Variants in SHOC2 observed in about 807,000 individuals in gnomAD.
The protein encoded by SHOC2 is leucine-rich repeat protein SHOC-2.
SHOC2 carries 4 observed loss-of-function variants against 50.2 expected under a neutral mutation model. That is an observed-to-expected ratio of 0.08 (90% CI 0.04 to 0.18). The LOEUF (loss-of-function observed/expected upper bound fraction) is 0.18, where lower values mean the gene tolerates loss of function less well. Ranked by LOEUF, SHOC2 falls within the 10% of genes least tolerant of loss-of-function variation. SHOC2 has a pLI of 1.00. For synonymous variants in SHOC2, 218 were observed against 244.5 expected (o/e 0.89, Z 1.01); for missense variants, 388 against 669.6 (o/e 0.58, Z 4.64).
At chr10:110,931,075 G>T (rs551794404) in intron 1 of SHOC2, among the ~76,000 whole-genome samples, 8 of 152,102 alleles carry the variant, frequency 5.3e-5, no homozygotes, top group East Asian at 1.9e-4. Context: ...AGTAATGCAG[G>T]TTTCCTAAAA....
chr10:111,007,124 A>G (rs191860987), intron 5 of SHOC2, among the ~76,000 whole-genome samples: 3 of 152,192 alleles, frequency 2.0e-5, no homozygotes. Flanking sequence ...TGGTTTCCTT[A>G]TGGGCTGTCA....
chr10:111,012,457 AAG>A lies in SHOC2; in HGVS notation c.*641_*642del, dbSNP rs1291695937. The A allele has an allele frequency of 6.6e-6, 1 of 152,188 alleles. No homozygotes were observed. The highest frequency in any genetic ancestry group is 2.4e-5 in the African/African-American group (1 of 41,456). 9.4% of individuals were successfully genotyped at this position (152,188 alleles called of 1,614,324 possible). On this transcript the variant is annotated 3_prime_UTR_variant, in exon 9 of 9. Transcript: ENST00000369452. ...TGAAAAAAAAAACTGGCAAAGTGAA[AAG>A]ATACAGTCAAAAATCTAGAATTTCT...
intron 4 of SHOC2, 141 bp from the exon 5 acceptor site, chr10:111,004,465 G>A (rs149520772): frequency 1.1e-5 from 7 of 662,904 alleles, no homozygotes; most frequent in Non-Finnish European, 1.9e-5. Context: ...CTGTAGAGAA[G>A]TGTCACAGAC....
chr10:110,926,678 A>T, intron 1 of SHOC2, among the ~76,000 whole-genome samples: 1 of 152,244 alleles, frequency 6.6e-6, no homozygotes, highest in East Asian at 1.9e-4. Flanking sequence ...AGAATAGTAT[A>T]GAAAATAATG....
intron 1 of SHOC2, among the ~76,000 whole-genome samples, chr10:110,940,924 T>G (rs1292378453): frequency 0.096 from 447 of 4,636 alleles, 66 homozygotes; most frequent in African/African-American, 0.22. Flanking sequence ...TTTTTTTTTT[T>G]TTTTTTTTTT....
chr10:110,978,799 T>A (rs998843592), intron 2 of SHOC2, among the ~76,000 whole-genome samples: 1 of 152,236 alleles, frequency 6.6e-6, no homozygotes, highest in Non-Finnish European at 1.5e-5. Context: ...GTCACTCTTA[T>A]AACCCTGAAC....
intron 2 of SHOC2, 85 bp from the exon 3 acceptor site, chr10:110,985,543 T>C (rs920898026): frequency 2.9e-6 from 3 of 1,030,106 alleles, no homozygotes; most frequent in Non-Finnish European, 4.4e-6. Flanking sequence ...GTTCAGAAAT[T>C]ATAGATTTAT....
chr10:111,008,007 A>G (rs902158386), intron 6 of SHOC2, among the ~76,000 whole-genome samples: 3 of 151,570 alleles, frequency 2.0e-5, no homozygotes, highest in East Asian at 3.9e-4. Context: ...TCAGACTGTC[A>G]TTTAGAATGC....
chr10:110,977,776 G>A (rs567689316), intron 2 of SHOC2, among the ~76,000 whole-genome samples: 1 of 152,242 alleles, frequency 6.6e-6, no homozygotes, highest in Non-Finnish European at 1.5e-5. Context: ...AATAAATTTT[G>A]ATGACTCCCT....
At chr10:111,004,859 G>A in intron 5 of SHOC2, 65 bp downstream of exon 5, 2 of 1,141,978 alleles carry the variant, frequency 1.8e-6, no homozygotes, top group East Asian at 2.4e-5. Flanking sequence ...TAATATTTAT[G>A]TTTTCTCTAA....
At chr10:110,938,371 C>G (rs1019449290) in intron 1 of SHOC2, among the ~76,000 whole-genome samples, 1 of 152,024 alleles carries the variant, frequency 6.6e-6, no homozygotes, top group African/African-American at 2.4e-5. Flanking sequence ...AATTTTAATG[C>G]TTGGTAGATT....
At chr10:110,952,513 A>G (rs1847375475) in intron 1 of SHOC2, among the ~76,000 whole-genome samples, 1 of 151,718 alleles carries the variant, frequency 6.6e-6, no homozygotes, top group African/African-American at 2.4e-5. Flanking sequence ...CCACCTATTC[A>G]TCCCTCACTC....
chr10:110,988,500 ATTC>A (rs1848122649), intron 3 of SHOC2, among the ~76,000 whole-genome samples: 1 of 152,112 alleles, frequency 6.6e-6, no homozygotes, highest in South Asian at 2.1e-4. Context: ...TGTTCATAAC[ATTC>A]TTATTATTTT....
chr10:111,009,418 A>C, intron 7 of SHOC2, 33 bp downstream of exon 7: 1 of 1,562,248 alleles, frequency 6.4e-7, no homozygotes, highest in South Asian at 1.1e-5. Context: ...AGTTTTATAA[A>C]GTTTTTGGAA....
chr10:110,977,555 G>A (rs368817363), intron 2 of SHOC2, among the ~76,000 whole-genome samples: 1 of 152,152 alleles, frequency 6.6e-6, no homozygotes, highest in East Asian at 1.9e-4. Context: ...TGCATGTTTA[G>A]TAATTTTTAA....
chr10:110,936,952 T>A (rs2134084883), intron 1 of SHOC2: 2 of 1,439,630 alleles, frequency 1.4e-6, no homozygotes, highest in East Asian at 4.6e-5. Flanking sequence ...CGGCCTGGCC[T>A]CGCTTGGTCT....
chr10:110,980,675 A>T (rs1313588821), intron 2 of SHOC2, among the ~76,000 whole-genome samples: 1 of 152,148 alleles, frequency 6.6e-6, no homozygotes, highest in Admixed American at 6.5e-5. Flanking sequence ...TTATCTGGTC[A>T]AAATGGTCTA....
chr10:110,970,729 GTT>G (rs56760151), intron 2 of SHOC2, among the ~76,000 whole-genome samples: 3,132 of 136,286 alleles, frequency 0.023, 85 homozygotes, highest in African/African-American at 0.07. Context: ...TTGTGATGAT[GTT>G]TTTTTTTTTT....
At chr10:110,976,232 A>G (rs555702067) in intron 2 of SHOC2, among the ~76,000 whole-genome samples, 190 of 152,092 alleles carry the variant, frequency 1.2e-3, no homozygotes, top group African/African-American at 4.2e-3. Context: ...CTTTTGCCCA[A>G]AGAACGTCCG....
Sources: gnomAD v4.1 joint callset for allele counts (sites outside exome capture counted in the v4.1 genomes callset) on GRCh38, gnomAD v4.1.1 for gene constraint, MANE v1.5 for transcripts, NCBI Gene and HGNC (gene_info 2026-07-23, HGNC 2026-07-21) for gene names.